The following CAB39L variants were observed in gnomAD, a reference collection of about 807,000 sequenced individuals.
CAB39L encodes calcium binding protein 39 like.
CAB39L carries 23 observed loss-of-function variants against 39.1 expected under a neutral mutation model. The ratio of observed to expected loss-of-function variants is 0.59; its 90% CI spans 0.42 to 0.83. The LOEUF is 0.83. Among genes scored for constraint, CAB39L ranks in the 40% least tolerant of loss-of-function variants. The probability of loss-of-function intolerance (pLI) is 0.00; values close to 1 mark genes in which losing one functional copy is unlikely to be tolerated. For missense variants in CAB39L, 366 were observed against 391.9 expected, an observed-to-expected ratio of 0.93 and a Z score of 0.56; for synonymous variants, 126 against 137.2, an observed-to-expected ratio of 0.92 and a Z score of 0.57.
Position 49,378,391 on chromosome 13 carries a change from G to A in CAB39L, c.112-1260C>T, listed in dbSNP as rs1487353398. Among the ~76,000 whole-genome samples, 6 of 62,010 alleles carry A rather than the reference G, an allele frequency of 9.7e-5. 1 individual carries two copies. In the South Asian group the frequency reaches 3.7e-3, roughly 38 times the overall value. 40.7% of individuals were successfully genotyped at this position (62,010 alleles called of 152,430 possible). A position where few individuals can be genotyped will look rare whatever the true frequency, so the allele number is the denominator to read the frequency against. Reference sequence around the variant, plus strand: ...GGGTCAGCCCCCCACCTGGCCAGCCGTGCCGTCCGGGAGGGAGGTGGGGGG... The same window carrying A: ...GGGTCAGCCCCCCACCTGGCCAGCCATGCCGTCCGGGAGGGAGGTGGGGGG... On this transcript the variant is annotated intron_variant, in intron 4 of 10. Transcript: ENST00000409308.
chr13:49,423,187 A>T (rs1957196659), intron 3 of CAB39L, among the ~76,000 whole-genome samples: 1 of 152,236 alleles, frequency 6.6e-6, no homozygotes, highest in African/African-American at 2.4e-5. Flanking sequence ...GAAACAGATT[A>T]CTGGGTCCTT....
intron 3 of CAB39L, among the ~76,000 whole-genome samples, chr13:49,386,629 T>C (rs781521336): frequency 3.3e-5 from 5 of 152,280 alleles, no homozygotes; most frequent in East Asian, 3.9e-4. Context: ...TAAAATTTCA[T>C]CTTATCATTA....
At chr13:49,317,971 CA>C (rs1179878026) in intron 10 of CAB39L, among the ~76,000 whole-genome samples, 1 of 151,956 alleles carries the variant, frequency 6.6e-6, no homozygotes, top group African/African-American at 2.4e-5. Flanking sequence ...GACATTTCTC[CA>C]AAAAAGATAT....
intron 3 of CAB39L, among the ~76,000 whole-genome samples, chr13:49,409,992 T>C (rs1263951778): frequency 6.6e-6 from 1 of 151,978 alleles, no homozygotes; most frequent in Non-Finnish European, 1.5e-5. Context: ...ATCCTAAGTT[T>C]AACAGTTAAA....
chr13:49,326,439 A>C (rs1369106466), intron 10 of CAB39L, among the ~76,000 whole-genome samples: 1 of 152,152 alleles, frequency 6.6e-6, no homozygotes, highest in African/African-American at 2.4e-5. Context: ...TATCCTGCTC[A>C]CCAATAGTAG....
At chr13:49,341,383 G>A (rs1427162377) in intron 8 of CAB39L, among the ~76,000 whole-genome samples, 2 of 152,004 alleles carry the variant, frequency 1.3e-5, no homozygotes, top group African/African-American at 2.4e-5. Flanking sequence ...CTCCCGAGTA[G>A]ATGGGATTAC....
At chr13:49,406,380 C>T (rs1273359380) in intron 3 of CAB39L, among the ~76,000 whole-genome samples, 2 of 142,132 alleles carry the variant, frequency 1.4e-5, no homozygotes, top group Non-Finnish European at 3.0e-5. Flanking sequence ...CAGGGTTTCA[C>T]CATGTTAGCC....
At chr13:49,376,552 G>A (rs1303579190) in intron 5 of CAB39L, among the ~76,000 whole-genome samples, 2 of 152,332 alleles carry the variant, frequency 1.3e-5, no homozygotes, top group South Asian at 2.1e-4. Context: ...TTGAAGCTCT[G>A]AAGTAAGTGA....
intron 3 of CAB39L, among the ~76,000 whole-genome samples, chr13:49,394,690 AT>A (rs1220011294): frequency 6.6e-6 from 1 of 152,162 alleles, no homozygotes; most frequent in African/African-American, 2.4e-5. Flanking sequence ...TATGTCACAG[AT>A]TTTTTAAACT....
At chr13:49,367,929 T>C (rs1265052097) in intron 5 of CAB39L, among the ~76,000 whole-genome samples, 1 of 91,776 alleles carries the variant, frequency 1.1e-5, no homozygotes, top group Admixed American at 9.8e-5. Flanking sequence ...AGACCCTGTC[T>C]CAAAAAAAAA....
chr13:49,348,917 T>C (rs1374142318), intron 7 of CAB39L, among the ~76,000 whole-genome samples: 2 of 152,130 alleles, frequency 1.3e-5, no homozygotes, highest in Non-Finnish European at 2.9e-5. Context: ...CCACGCCCCG[T>C]CCCTCACCCT....
intron 10 of CAB39L, among the ~76,000 whole-genome samples, chr13:49,316,682 TC>T (rs1394789673): frequency 1.3e-5 from 2 of 152,206 alleles, no homozygotes; most frequent in African/African-American, 4.8e-5. Context: ...AGCAAATCAA[TC>T]AATGTAACAC....
chr13:49,320,579 C>T (rs1352989371), intron 10 of CAB39L, among the ~76,000 whole-genome samples: 2 of 152,154 alleles, frequency 1.3e-5, no homozygotes, highest in African/African-American at 4.8e-5. Flanking sequence ...ATTTTGCCAA[C>T]AGGGATTGAG....
intron 5 of CAB39L, among the ~76,000 whole-genome samples, chr13:49,368,618 A>T (rs1244431033): frequency 6.6e-6 from 1 of 152,220 alleles, no homozygotes; most frequent in Non-Finnish European, 1.5e-5. Context: ...AAATGCCAAA[A>T]ATTAGCTGGC....
At chr13:49,422,825 A>G (rs1243618082) in intron 3 of CAB39L, among the ~76,000 whole-genome samples, 2 of 152,134 alleles carry the variant, frequency 1.3e-5, no homozygotes, top group African/African-American at 2.4e-5. Flanking sequence ...TTATTCTCTA[A>G]TATTAGTTAC....
chr13:49,433,492 A>G (rs965349645), intron 2 of CAB39L, 99 bp from the exon 3 acceptor site: 1 of 385,102 alleles, frequency 2.6e-6, no homozygotes, highest in Admixed American at 3.7e-5. Flanking sequence ...TACAAATTAA[A>G]TTTCCATCAT....
intron 3 of CAB39L, among the ~76,000 whole-genome samples, chr13:49,426,651 C>T (rs1566135790): frequency 6.6e-6 from 1 of 152,080 alleles, no homozygotes; most frequent in Non-Finnish European, 1.5e-5. Flanking sequence ...GGTCTCGTTC[C>T]CCTGACCTCG....
chr13:49,411,246 C>T (rs1429184646), intron 3 of CAB39L, among the ~76,000 whole-genome samples: 4 of 151,422 alleles, frequency 2.6e-5, no homozygotes, highest in Non-Finnish European at 5.9e-5. Context: ...TCGTCTCTAT[C>T]AAAAATACAA....
At position 49,409,852 on chromosome 13, in the gene CAB39L, C is replaced by T. The variant is rs552462916; in HGVS notation, c.-32+23466G>A. Among the ~76,000 whole-genome samples the T allele has an allele frequency of 8.6e-5, 13 of 151,274 alleles. No homozygotes were observed. The East Asian group carries it at 2.5e-3, about 29-fold the overall frequency. On this transcript the variant is annotated intron_variant, in intron 3 of 10. Coordinates refer to ENST00000409308, the MANE Select transcript of CAB39L (RefSeq NM_001079670.3). Reference sequence around the variant, plus strand: ...GCAGTCTGGCAGGAAGTAGGAGGATCCCTTGAGTCCAGGAGTTCAAGACCA... The same window carrying T: ...GCAGTCTGGCAGGAAGTAGGAGGATTCCTTGAGTCCAGGAGTTCAAGACCA...
Sources: gnomAD v4.1 joint callset for allele counts (sites outside exome capture counted in the v4.1 genomes callset) on GRCh38, gnomAD v4.1.1 for gene constraint, MANE v1.5 for transcripts, NCBI Gene and HGNC (gene_info 2026-07-23, HGNC 2026-07-21) for gene names.